BET1: variants seen among roughly 807,000 people sequenced by gnomAD.
BET1 encodes BET1 homolog.
BET1 carries 9 observed loss-of-function variants against 13.9 expected under a neutral mutation model. The ratio of observed to expected loss-of-function variants is 0.65; its 90% CI spans 0.39 to 1.13. The LOEUF (loss-of-function observed/expected upper bound fraction) is 1.13. BET1 is among the 50% of genes most tolerant of loss of function. The pLI, the probability that BET1 is intolerant of heterozygous loss-of-function variation, is 0.01. For synonymous variants in BET1, 39 were observed against 47.3 expected (o/e 0.82, Z 0.72); for missense variants, 127 against 133.6 (o/e 0.95, Z 0.24).
exon 7 of BET1, chr7:93,963,268 A>G (rs56899519): frequency 0.23 from 34,487 of 151,972 alleles, 4,032 homozygotes; most frequent in Non-Finnish European, 0.26. Flanking sequence ...GCATAGCCCC[A>G]AGAACCATGA....
intron 4 of BET1, among the ~76,000 whole-genome samples, chr7:93,985,761 C>CA (rs1562803584): frequency 6.6e-6 from 1 of 152,086 alleles, no homozygotes; most frequent in Non-Finnish European, 1.5e-5. Flanking sequence ...AGGTTGAGCT[C>CA]AGTGGAATAG....
intron 6 of BET1, among the ~76,000 whole-genome samples, chr7:93,967,608 A>G (rs1424613276): frequency 6.6e-6 from 1 of 151,838 alleles, no homozygotes; most frequent in African/African-American, 2.4e-5. Context: ...GGCTGAAATG[A>G]GTTTTATATT....
At chr7:93,988,446 T>C (rs1399935426), downstream of BET1, among the ~76,000 whole-genome samples, 1 of 152,186 alleles carries the variant, frequency 6.6e-6, no homozygotes, top group African/African-American at 2.4e-5. Flanking sequence ...TGGATGTATG[T>C]GTATAACCTC....
intron 5 of BET1, among the ~76,000 whole-genome samples, chr7:93,973,915 A>C (rs1457901752): frequency 6.6e-6 from 1 of 152,072 alleles, no homozygotes; most frequent in Non-Finnish European, 1.5e-5. Context: ...ATTTTGGAAA[A>C]CAATATTTTG....
exon 7 of BET1, chr7:93,962,857 G>A (rs1310681277): frequency 1.3e-5 from 2 of 151,526 alleles, no homozygotes; most frequent in African/African-American, 4.8e-5. Context: ...ATTCCCAACA[G>A]TTCACAGCAC....
intron 4 of BET1, among the ~76,000 whole-genome samples, chr7:93,985,414 T>C (rs1168020585): frequency 2.0e-5 from 3 of 152,156 alleles, no homozygotes; most frequent in Non-Finnish European, 4.4e-5. Context: ...GCAGGTTAAA[T>C]GAGCTAGGTT....
intron 5 of BET1, among the ~76,000 whole-genome samples, chr7:93,973,876 T>C (rs1795297550): frequency 6.6e-6 from 1 of 152,032 alleles, no homozygotes; most frequent in Non-Finnish European, 1.5e-5. Flanking sequence ...AACAGAACAC[T>C]ACAGGAGGTG....
intron 5 of BET1, among the ~76,000 whole-genome samples, chr7:93,973,567 A>G (rs913270383): frequency 6.6e-6 from 1 of 150,498 alleles, no homozygotes; most frequent in African/African-American, 2.5e-5. Context: ...AAGAACTCAG[A>G]AAAAAAAATG....
At chr7:94,001,860 T>C (rs56398123) in intron 1 of BET1, among the ~76,000 whole-genome samples, 2,689 of 152,342 alleles carry the variant, frequency 0.018, 66 homozygotes, top group African/African-American at 0.06. Context: ...ATAAATTAAC[T>C]GCTATTTTTT....
Position 93,993,876 on chromosome 7 carries a change from C to G in BET1, c.*354G>C, listed in dbSNP as rs941271585. On this transcript the variant is annotated 3_prime_UTR_variant, in exon 4 of 4. Coordinates refer to ENST00000222547, the MANE Select transcript of BET1 (RefSeq NM_005868.6). ...GTCAGGCTCTCCAGGCATTCTGTTACTCTCCCACTAAGTTTCCTTACATGG... is the reference window on the plus strand; with the variant it reads ...GTCAGGCTCTCCAGGCATTCTGTTAGTCTCCCACTAAGTTTCCTTACATGG... The G allele has an allele frequency of 2.0e-6, 3 of 1,535,694 alleles. No individual in the cohort carries two copies. In the African/African-American group the frequency reaches 4.1e-5, roughly 21 times the overall value.
At chr7:93,972,089 A>G (rs910550360) in intron 6 of BET1, among the ~76,000 whole-genome samples, 4 of 151,834 alleles carry the variant, frequency 2.6e-5, no homozygotes, top group Non-Finnish European at 5.9e-5. Context: ...GACATCAAAT[A>G]TTTGGCCAGA....
chr7:93,995,524 G>T (rs1222670985), intron 3 of BET1, among the ~76,000 whole-genome samples: 1 of 152,110 alleles, frequency 6.6e-6, no homozygotes, highest in Non-Finnish European at 1.5e-5. Context: ...AATCACCAGA[G>T]ATGCTTTTTT....
chr7:93,974,227 A>G (rs1360061360), intron 5 of BET1, among the ~76,000 whole-genome samples: 1 of 152,014 alleles, frequency 6.6e-6, no homozygotes, highest in East Asian at 1.9e-4. Flanking sequence ...ATAAACTTAG[A>G]CATATGTGTA....
chr7:94,004,325 A>C lies in BET1; in HGVS notation c.-109T>G. On this transcript the variant is annotated 5_prime_UTR_variant, in exon 1 of 4. Coordinates refer to ENST00000222547, the MANE Select transcript of BET1 (RefSeq NM_005868.6). ...AGTACCAGGGCCCAGCGAAACACCA[A>C]CTTCTTCCCCTAAAGCGCCACGACA... 1 of 1,457,088 alleles carries C rather than the reference A, an allele frequency of 6.9e-7. No homozygotes were observed. The highest frequency in any genetic ancestry group is 9.6e-7 in the Non-Finnish European group (1 of 1,040,054). 90.3% of individuals were successfully genotyped at this position (1,457,088 alleles called of 1,614,324 possible). A position where few individuals can be genotyped will look rare whatever the true frequency, so the allele number is the denominator to read the frequency against.
At chr7:93,983,321 A>C (rs921276253) in intron 4 of BET1, among the ~76,000 whole-genome samples, 5 of 152,152 alleles carry the variant, frequency 3.3e-5, no homozygotes, top group African/African-American at 1.2e-4. Context: ...GACAAGATCA[A>C]CTCTTGTCTT....
intron 6 of BET1, among the ~76,000 whole-genome samples, chr7:93,971,146 T>A (rs1018626133): frequency 6.6e-6 from 1 of 151,836 alleles, no homozygotes; most frequent in Non-Finnish European, 1.5e-5. Context: ...AAATATATAC[T>A]GTATATACTG....
intron 6 of BET1, chr7:93,972,426 T>A (rs1795271562): frequency 6.6e-6 from 1 of 151,842 alleles, no homozygotes; most frequent in African/African-American, 2.4e-5. Context: ...ACCTGTGAGG[T>A]ATGTGTTACT....
chr7:93,992,174 C>G, downstream of BET1: 1 of 985,276 alleles, frequency 1.0e-6, no homozygotes, highest in Non-Finnish European at 1.2e-6. Context: ...CAGGTAGAGA[C>G]CTACTTTAAA....
In BET1 at chr7:93,993,888, G is replaced by A. The variant is rs200336741; in HGVS notation, c.*342C>T. The A allele has an allele frequency of 1.8e-3, 2,750 of 1,535,744 alleles. 4 individuals are homozygous for A. The highest frequency in any genetic ancestry group is 1.9e-3 in the Non-Finnish European group (2,157 of 1,146,734). On this transcript the variant is annotated 3_prime_UTR_variant, in exon 4 of 4. Transcript: ENST00000222547. ...AGGCATTCTGTTACTCTCCCACTAA[G>A]TTTCCTTACATGGGACATAAACCTG...
Sources: allele counts gnomAD v4.1 joint callset (sites outside exome capture counted in the v4.1 genomes callset), GRCh38; gene constraint gnomAD v4.1.1; transcripts MANE v1.5; gene names NCBI Gene and HGNC (gene_info 2026-07-23, HGNC 2026-07-21).